The following POU1F1 variants were observed in gnomAD, a reference collection of about 807,000 sequenced individuals.
POU1F1 encodes the protein POU class 1 homeobox 1, also known as pituitary-specific positive transcription factor 1.
A neutral mutation model predicts 32.3 loss-of-function variants in POU1F1; 23 were observed. The observed-to-expected ratio is 0.71, with a 90% CI of 0.51 to 1.01. The LOEUF (loss-of-function observed/expected upper bound fraction) is 1.01. Among genes scored for constraint, POU1F1 ranks in the 50% least tolerant of loss-of-function variants. The probability of loss-of-function intolerance (pLI) is 0.00; values close to 1 mark genes in which losing one functional copy is unlikely to be tolerated. For synonymous variants in POU1F1, 120 were observed against 115.6 expected (o/e 1.04, Z -0.25); for missense variants, 323 against 341.6 (o/e 0.95, Z 0.43).
intron 2 of POU1F1, among the ~76,000 whole-genome samples, chr3:87,265,706 T>C (rs1235692788): frequency 6.6e-6 from 1 of 151,962 alleles, no homozygotes; most frequent in Non-Finnish European, 1.5e-5. Context: ...CAATACAGTA[T>C]AACAATTATT....
intron 1 of POU1F1, among the ~76,000 whole-genome samples, chr3:87,274,706 G>T (rs1320629863): frequency 6.6e-6 from 1 of 151,432 alleles, no homozygotes; most frequent in Non-Finnish European, 1.5e-5. Flanking sequence ...ATTAAAGTCA[G>T]TGTTTCTATA....
intron 2 of POU1F1, among the ~76,000 whole-genome samples, chr3:87,266,388 A>G (rs954725448): frequency 6.8e-6 from 1 of 147,734 alleles, no homozygotes. Context: ...TTTATATAAA[A>G]ATATGTAATT....
chr3:87,268,433 T>G (rs537850019), intron 2 of POU1F1, among the ~76,000 whole-genome samples: 1 of 152,130 alleles, frequency 6.6e-6, no homozygotes, highest in East Asian at 1.9e-4. Context: ...TGCATGAAAG[T>G]ATCTACAATT....
At chr3:87,261,391 G>T (rs1251743073) in intron 4 of POU1F1, 58 bp from the exon 5 acceptor site, 12 of 1,290,430 alleles carry the variant, frequency 9.3e-6, no homozygotes, top group South Asian at 2.6e-5. Flanking sequence ...TATAAAAAAC[G>T]ATCTGATTTG....
At chr3:87,264,195 A>C in intron 3 of POU1F1, 93 bp downstream of exon 3, 1 of 991,970 alleles carries the variant, frequency 1.0e-6, no homozygotes, top group Non-Finnish European at 1.6e-6. Flanking sequence ...AATGAGAATC[A>C]TCTTGTACTT....
intron 1 of POU1F1, among the ~76,000 whole-genome samples, chr3:87,275,824 CTATTT>C (rs1037909666): frequency 1.3e-5 from 2 of 151,944 alleles, no homozygotes; most frequent in Admixed American, 6.6e-5. Flanking sequence ...AATTAAAACT[CTATTT>C]TATTCTATGA....
chr3:87,275,785 A>T (rs1706814531), intron 1 of POU1F1, among the ~76,000 whole-genome samples: 1 of 152,088 alleles, frequency 6.6e-6, no homozygotes, highest in Non-Finnish European at 1.5e-5. Context: ...TTCTTGCTAT[A>T]ATTTCTGTAT....
intron 2 of POU1F1, 57 bp downstream of exon 2, chr3:87,273,290 G>GA: frequency 6.6e-7 from 1 of 1,523,734 alleles, no homozygotes; most frequent in Non-Finnish European, 9.1e-7. Context: ...TTCAGGCCCA[G>GA]AAAATCCATC....
rs104893756 is a variant in POU1F1 at position 87,262,203 on chromosome 3, C to G, written c.472G>C (p.Ala158Pro). ...YTQTNVGEAL[A>P]AVHGSEFSQT... ...CTGAATTCAGAGCCATGCACAGCTGCCAGGGCCTCCCCAACATTTGTCTGG... is the reference window on the plus strand; with the variant it reads ...CTGAATTCAGAGCCATGCACAGCTGGCAGGGCCTCCCCAACATTTGTCTGG... The change falls in exon 4 of 6, where the codon GCA becomes CCA. Residue 158 changes from alanine (A) to proline (P), a missense_variant. By Grantham distance (27) the Ala-to-Pro change is conservative. Transcript: ENST00000350375. The G allele has an allele frequency of 1.4e-5, 22 of 1,613,978 alleles. No homozygotes were observed. The highest frequency in any genetic ancestry group is 1.9e-5 in the Non-Finnish European group (22 of 1,179,988).
chr3:87,259,666 T>C lies in POU1F1; in HGVS notation c.*228A>G. The C allele has an allele frequency of 1.9e-6, 1 of 515,400 alleles. No individual in the cohort carries two copies. The highest frequency in any genetic ancestry group is 5.3e-4 in the Middle Eastern group (1 of 1,870). The allele number at this position is 515,400 out of a possible 1,614,324, so 31.9% of individuals were successfully genotyped here. A position where few individuals can be genotyped will look rare whatever the true frequency, so the allele number is the denominator to read the frequency against. On this transcript the variant is annotated 3_prime_UTR_variant, in exon 6 of 6. Coordinates refer to ENST00000350375, the MANE Select transcript of POU1F1 (RefSeq NM_000306.4). Reference sequence around the variant, plus strand: ...GATCATTTTATTACTGTTAATATATTTGGCTTAAAATAGATAATGTGGCTT... The same window carrying C: ...GATCATTTTATTACTGTTAATATATCTGGCTTAAAATAGATAATGTGGCTT...
chr3:87,259,697 A>G lies in POU1F1; in HGVS notation c.*197T>C. 1 of 577,306 alleles carries G rather than the reference A, an allele frequency of 1.7e-6. No individual in the cohort carries two copies. The highest frequency in any genetic ancestry group is 2.1e-5 in the South Asian group (1 of 46,724). The allele number at this position is 577,306 out of a possible 1,614,324, so 35.8% of individuals were successfully genotyped here. A position where few individuals can be genotyped will look rare whatever the true frequency, so the allele number is the denominator to read the frequency against. On this transcript the variant is annotated 3_prime_UTR_variant, in exon 6 of 6. Transcript: ENST00000350375. ...TAAAATAGATAATGTGGCTTCTGAGAATAATTATTTTAAGTAAATAACATC... is the reference window on the plus strand; with the variant it reads ...TAAAATAGATAATGTGGCTTCTGAGGATAATTATTTTAAGTAAATAACATC...
intron 2 of POU1F1, among the ~76,000 whole-genome samples, chr3:87,272,342 T>C (rs1436148838): frequency 6.6e-6 from 1 of 152,206 alleles, no homozygotes; most frequent in African/African-American, 2.4e-5. Context: ...TTAGGGTACA[T>C]GTGTACAATG....
chr3:87,265,512 TCAATA>T (rs1706602997), intron 2 of POU1F1, among the ~76,000 whole-genome samples: 1 of 152,066 alleles, frequency 6.6e-6, no homozygotes, highest in Non-Finnish European at 1.5e-5. Flanking sequence ...GTTTTCTTTA[TCAATA>T]CATTACAATT....
At chr3:87,263,628 C>T (rs79294158) in intron 3 of POU1F1, among the ~76,000 whole-genome samples, 7 of 152,072 alleles carry the variant, frequency 4.6e-5, no homozygotes, top group South Asian at 2.1e-4. Flanking sequence ...ATTTTTGCTG[C>T]GCATATATTT....
chr3:87,259,825 T>A lies in POU1F1; in HGVS notation c.*69A>T. 1.5e-6 allele frequency: 2 copies of A among 1,322,798 alleles called. No homozygotes were observed. The highest frequency in any genetic ancestry group is 2.2e-6 in the Non-Finnish European group (2 of 924,992). 81.9% of individuals were successfully genotyped at this position (1,322,798 alleles called of 1,614,324 possible). Reference sequence around the variant, plus strand: ...AAATGATTTTAAGTCAACCAAGTAATTTCTGTTTTTGTTGAGGAAGAGAAA... The same window carrying A: ...AAATGATTTTAAGTCAACCAAGTAAATTCTGTTTTTGTTGAGGAAGAGAAA... On this transcript the variant is annotated 3_prime_UTR_variant, in exon 6 of 6. Coordinates refer to ENST00000350375, the MANE Select transcript of POU1F1 (RefSeq NM_000306.4).
At chr3:87,264,587 G>T in intron 2 of POU1F1, 75 bp from the exon 3 acceptor site, 3 of 1,167,730 alleles carry the variant, frequency 2.6e-6, no homozygotes, top group Non-Finnish European at 3.8e-6. Flanking sequence ...AAAGGGTTTT[G>T]CCTGACTTAG....
intron 2 of POU1F1, among the ~76,000 whole-genome samples, chr3:87,267,797 G>A (rs1018636415): frequency 6.6e-6 from 1 of 151,976 alleles, no homozygotes; most frequent in Non-Finnish European, 1.5e-5. Flanking sequence ...GCACAGACGG[G>A]ATCTCACTAT....
At chr3:87,265,589 T>C (rs953692732) in intron 2 of POU1F1, among the ~76,000 whole-genome samples, 15 of 152,094 alleles carry the variant, frequency 9.9e-5, no homozygotes, top group African/African-American at 2.9e-4. Flanking sequence ...GCCTTCCATA[T>C]CCATGGGTTC....
intron 4 of POU1F1, 93 bp from the exon 5 acceptor site, chr3:87,261,426 A>G: frequency 1.0e-6 from 1 of 975,212 alleles, no homozygotes; most frequent in Non-Finnish European, 1.5e-6. Flanking sequence ...TTCATAAAAC[A>G]ATGCAAAATA....
Sources: gnomAD v4.1 joint callset for allele counts (sites outside exome capture counted in the v4.1 genomes callset) on GRCh38, gnomAD v4.1.1 for gene constraint, MANE v1.5 for transcripts, NCBI Gene and HGNC (gene_info 2026-07-23, HGNC 2026-07-21) for gene names.